The following PLA2R1 variants were observed in gnomAD, a reference collection of about 807,000 sequenced individuals.
PLA2R1 encodes the protein phospholipase A2 receptor 1, also known as secretory phospholipase A2 receptor.
In PLA2R1, 158 loss-of-function variants were observed where a neutral mutation model predicts 195.9. That is an observed-to-expected ratio of 0.81 (90% CI 0.71 to 0.92). The LOEUF is 0.92. PLA2R1 is among the 40% of genes least tolerant of loss of function. The probability of loss-of-function intolerance (pLI) is 0.00; values close to 1 mark genes in which losing one functional copy is unlikely to be tolerated. For missense variants in PLA2R1, 1,626 were observed against 1,764.6 expected (o/e 0.92, Z 1.41); for synonymous variants, 586 against 598.2 (o/e 0.98, Z 0.30).
At chr2:159,971,319 TAGTA>T (rs1438419658) in intron 17 of PLA2R1, among the ~76,000 whole-genome samples, 1 of 152,100 alleles carries the variant, frequency 6.6e-6, no homozygotes, top group Non-Finnish European at 1.5e-5. Flanking sequence ...TAGTAAAAAT[TAGTA>T]AGGAAATAGA....
In PLA2R1 at chr2:159,941,985, ACTTGGT is replaced by A; in HGVS notation, c.4179_4184del (p.Pro1394_Ser1395del). 1 of 1,612,756 alleles carries A rather than the reference ACTTGGT, an allele frequency of 6.2e-7. No individual in the cohort carries two copies. Among genetic ancestry groups the A allele is most frequent in the Non-Finnish European group, 8.5e-7 (1 of 1,179,042 alleles). On this transcript the variant is annotated inframe_deletion and splice_region_variant, in exon 30 of 30. Coordinates refer to ENST00000283243, the MANE Select transcript of PLA2R1 (RefSeq NM_007366.5). ...CAACCGCAAGAGGAATGATGCTGTG[ACTTGGT>A]CCTGAAAGAAGATATTTTTCTTAAA...
intron 23 of PLA2R1, 34 bp from the exon 24 acceptor site, chr2:159,951,612 G>T: frequency 9.4e-7 from 1 of 1,061,714 alleles, no homozygotes. Flanking sequence ...GTCATTTGCA[G>T]CATCTGGATG....
At chr2:160,052,799 G>A (rs1019575208) in intron 1 of PLA2R1, among the ~76,000 whole-genome samples, 7 of 152,070 alleles carry the variant, frequency 4.6e-5, no homozygotes, top group Non-Finnish European at 8.8e-5. Flanking sequence ...AAACAACTCC[G>A]GAAATGATAT....
intron 3 of PLA2R1, among the ~76,000 whole-genome samples, chr2:160,035,928 G>A (rs1446725351): frequency 6.6e-6 from 1 of 152,098 alleles, no homozygotes; most frequent in Non-Finnish European, 1.5e-5. Flanking sequence ...TCAGCACTTG[G>A]CAGGCTGAGT....
At chr2:159,950,321 G>A (rs184119167) in intron 24 of PLA2R1, among the ~76,000 whole-genome samples, 156 of 152,280 alleles carry the variant, frequency 1.0e-3, no homozygotes, top group African/African-American at 3.6e-3. Context: ...ACAAGGATGT[G>A]AAAAAACTAG....
intron 3 of PLA2R1, among the ~76,000 whole-genome samples, chr2:160,039,403 C>T (rs1185448043): frequency 5.9e-5 from 9 of 152,160 alleles, no homozygotes; most frequent in Non-Finnish European, 1.3e-4. Flanking sequence ...TGTTTTATTA[C>T]ATCCTTCACC....
chr2:160,044,367 A>T (rs1480346092), intron 2 of PLA2R1, among the ~76,000 whole-genome samples: 1 of 152,146 alleles, frequency 6.6e-6, no homozygotes, highest in African/African-American at 2.4e-5. Flanking sequence ...GGTGGGGATG[A>T]GTTTTTACAA....
chr2:160,062,142 C>T (rs1350076774), intron 1 of PLA2R1, among the ~76,000 whole-genome samples, 153 bp downstream of exon 1: 1 of 152,044 alleles, frequency 6.6e-6, no homozygotes, highest in African/African-American at 2.4e-5. Context: ...CCGCTCCCCC[C>T]ATGCTCAGGA....
Position 159,944,636 on chromosome 2 carries a change from A to T in PLA2R1, c.4144+270T>A, listed in dbSNP as rs975496407. Among the ~76,000 whole-genome samples, 5 of 152,336 alleles carry T rather than the reference A, an allele frequency of 3.3e-5. No individual in the cohort carries two copies. In the East Asian group the frequency reaches 9.6e-4, roughly 29 times the overall value. On this transcript the variant is annotated intron_variant, in intron 28 of 29. Transcript: ENST00000283243. ...TCCTAGTTCTATTTGCTTGAGGGAA[A>T]ATGATTTTTTGCCCATTAGGTGATC...
In PLA2R1 at chr2:159,939,795, A is replaced by G. The variant is rs921263851; in HGVS notation, c.*1983T>C. 2 of 152,232 alleles carry G rather than the reference A, an allele frequency of 1.3e-5. No individual in the cohort carries two copies. The highest frequency in any genetic ancestry group is 4.8e-5 in the African/African-American group (2 of 41,458). The allele number at this position is 152,232 out of a possible 1,614,324, so 9.4% of individuals were successfully genotyped here. A position where few individuals can be genotyped will look rare whatever the true frequency, so the allele number is the denominator to read the frequency against. On this transcript the variant is annotated 3_prime_UTR_variant, in exon 30 of 30. Coordinates refer to ENST00000283243, the MANE Select transcript of PLA2R1 (RefSeq NM_007366.5). Reference sequence around the variant, plus strand: ...GAAGGCTGGTTGATTAGCAGTTTTTACCAAGTCCATTGAAAAGAACAGAAC... The same window carrying G: ...GAAGGCTGGTTGATTAGCAGTTTTTGCCAAGTCCATTGAAAAGAACAGAAC...
intron 3 of PLA2R1, among the ~76,000 whole-genome samples, chr2:160,034,053 G>A (rs750397133): frequency 2.6e-5 from 4 of 152,176 alleles, no homozygotes; most frequent in Non-Finnish European, 5.9e-5. Context: ...CATACATAGC[G>A]TTCTCTGGGA....
rs959290362 is a variant in PLA2R1 at position 159,934,606 on chromosome 2, T to C, written c.*7172A>G. On this transcript the variant is annotated 3_prime_UTR_variant, in exon 30 of 30. Coordinates refer to ENST00000283243, the MANE Select transcript of PLA2R1 (RefSeq NM_007366.5). ...GATGCAATTTTCAGAATATTATAAA[T>C]AACAACATGTAAAAATAAAAGTGCC... 2 of 152,208 alleles carry C rather than the reference T, an allele frequency of 1.3e-5. No individual in the cohort carries two copies. Among genetic ancestry groups the C allele is most frequent in the Non-Finnish European group, 2.9e-5 (2 of 68,018 alleles). The allele number at this position is 152,208 out of a possible 1,614,324, so 9.4% of individuals were successfully genotyped here. A position where few individuals can be genotyped will look rare whatever the true frequency, so the allele number is the denominator to read the frequency against.
intron 20 of PLA2R1, among the ~76,000 whole-genome samples, chr2:159,963,941 C>T (rs1020789449): frequency 1.3e-5 from 2 of 152,076 alleles, no homozygotes; most frequent in African/African-American, 4.8e-5. Flanking sequence ...CTCATTGAAG[C>T]ATTATTCACA....
In PLA2R1 at chr2:159,955,795, G is replaced by A; in HGVS notation, c.3056C>T (p.Thr1019Ile). 1.4e-5 allele frequency: 23 copies of A among 1,598,622 alleles called. No individual in the cohort carries two copies. Among genetic ancestry groups the A allele is most frequent in the Non-Finnish European group, 1.9e-5 (22 of 1,169,768 alleles). The change falls in exon 22 of 30, where the codon ACC becomes ATC. Residue 1019 changes from threonine (T) to isoleucine (I), a missense_variant. Transcript: ENST00000283243. ...ATTTTGTAAACCTATCCACACACTGGTGGTCTGGCCAAAAAGATTCATAGT... is the reference window on the plus strand; with the variant it reads ...ATTTTGTAAACCTATCCACACACTGATGGTCTGGCCAAAAAGATTCATAGT... Reference protein sequence around the residue: ...FITMNLFGQTTSVWIGLQNDD... With the variant: ...FITMNLFGQTISVWIGLQNDD...
intron 11 of PLA2R1, among the ~76,000 whole-genome samples, chr2:159,996,883 T>C (rs1157084631): frequency 1.3e-5 from 2 of 152,158 alleles, no homozygotes; most frequent in African/African-American, 4.8e-5. Flanking sequence ...TTTTTGTTTT[T>C]TTTCTTAGAC....
At chr2:159,967,725 C>A (rs1439033119) in intron 19 of PLA2R1, 47 bp from the exon 20 acceptor site, 9 of 1,539,476 alleles carry the variant, frequency 5.8e-6, no homozygotes, top group Non-Finnish European at 6.2e-6. Flanking sequence ...AATGGCGATT[C>A]TTTGAAGGCA....
At chr2:160,053,321 T>C (rs544102524) in intron 1 of PLA2R1, among the ~76,000 whole-genome samples, 18 of 137,062 alleles carry the variant, frequency 1.3e-4, no homozygotes, top group Admixed American at 3.7e-4. Flanking sequence ...TATCTCCAAG[T>C]AAAGTCTCAT....
At chr2:160,058,952 C>T (rs1287993157) in intron 1 of PLA2R1, among the ~76,000 whole-genome samples, 1 of 152,056 alleles carries the variant, frequency 6.6e-6, no homozygotes, top group East Asian at 1.9e-4. Flanking sequence ...TACAGCTCAC[C>T]ATAATGTAGA....
intron 11 of PLA2R1, among the ~76,000 whole-genome samples, chr2:159,996,521 T>C (rs1488161880): frequency 6.6e-6 from 1 of 152,076 alleles, no homozygotes; most frequent in Admixed American, 6.6e-5. Context: ...CTACGTGTAG[T>C]TTTTCGTGCG....
Sources: gnomAD v4.1 joint callset for allele counts (sites outside exome capture counted in the v4.1 genomes callset) on GRCh38, gnomAD v4.1.1 for gene constraint, MANE v1.5 for transcripts, NCBI Gene and HGNC (gene_info 2026-07-23, HGNC 2026-07-21) for gene names.